Variants in DNAAF9 observed in about 807,000 individuals in gnomAD.
DNAAF9 encodes the protein dynein axonemal assembly factor 9, also known as shulin.
A neutral mutation model predicts 167.0 loss-of-function variants in DNAAF9; 90 were observed. The observed-to-expected ratio is 0.54, with a 90% CI of 0.45 to 0.64. The LOEUF is 0.64. Among genes scored for constraint, DNAAF9 ranks in the 30% least tolerant of loss-of-function variants. The probability of loss-of-function intolerance (pLI) is 0.00; values close to 1 mark genes in which losing one functional copy is unlikely to be tolerated. For synonymous variants in DNAAF9, 491 were observed against 508.8 expected (o/e 0.96, Z 0.47); for missense variants, 1,315 against 1,442.2 (o/e 0.91, Z 1.43).
chr20:3,329,147 GGT>G (rs1258910813), intron 12 of DNAAF9, among the ~76,000 whole-genome samples: 1 of 151,988 alleles, frequency 6.6e-6, no homozygotes, highest in African/African-American at 2.4e-5. Context: ...TGGGATTACA[GGT>G]GTGAGCCACT....
chr20:3,265,071 A>C (rs1347964608), intron 30 of DNAAF9, among the ~76,000 whole-genome samples: 1 of 152,156 alleles, frequency 6.6e-6, no homozygotes, highest in Non-Finnish European at 1.5e-5. Flanking sequence ...CAAGGAATTT[A>C]CTGGCTCCCA....
At chr20:3,297,958 T>C (rs1183854872) in intron 22 of DNAAF9, 71 bp downstream of exon 22, 8 of 1,212,156 alleles carry the variant, frequency 6.6e-6, no homozygotes, top group Non-Finnish European at 3.6e-6. Flanking sequence ...CCCAAAATGA[T>C]GCCTTACCAT....
At chr20:3,374,219 C>T (rs2083546720) in intron 5 of DNAAF9, 65 bp from the exon 6 acceptor site, 5 of 1,111,602 alleles carry the variant, frequency 4.5e-6, no homozygotes, top group South Asian at 1.4e-5. Context: ...CTAAACCTGA[C>T]CTAACATGGT....
rs375454050 is a variant in DNAAF9, at chr20:3,314,349, G to A, written c.1678+684C>T. On this transcript the variant is annotated intron_variant, in intron 20 of 36. Transcript: ENST00000252032. The stretch of plus-strand genomic sequence containing the variant: ...GCAAAAACTTGACATGCTGATAGCC[G>A]AAGAGGAATTAGAGAGACTCAAAGT... Among the ~76,000 whole-genome samples, 411 of 152,280 alleles carry A rather than the reference G, an allele frequency of 2.7e-3. 1 individual carries two copies. Among genetic ancestry groups the A allele is most frequent in the African/African-American group, 9.3e-3 (385 of 41,548 alleles).
chr20:3,364,413 G>C (rs1167754634), intron 6 of DNAAF9, among the ~76,000 whole-genome samples: 1 of 151,944 alleles, frequency 6.6e-6, no homozygotes, highest in Non-Finnish European at 1.5e-5. Flanking sequence ...GATCCTTTGG[G>C]GTCCTGCTTT....
intron 17 of DNAAF9, among the ~76,000 whole-genome samples, chr20:3,317,042 G>A (rs569564395): frequency 1.3e-5 from 2 of 151,594 alleles, no homozygotes; most frequent in South Asian, 2.1e-4. Flanking sequence ...TTACAGATGC[G>A]TGCCACCATG....
At chr20:3,330,344 G>A (rs995551657) in intron 12 of DNAAF9, among the ~76,000 whole-genome samples, 1 of 152,088 alleles carries the variant, frequency 6.6e-6, no homozygotes, top group South Asian at 2.1e-4. Context: ...CCAGGCTTAA[G>A]TGATCCTCCC....
chr20:3,264,348 T>G, intron 31 of DNAAF9, 90 bp downstream of exon 31: 1 of 725,866 alleles, frequency 1.4e-6, no homozygotes, highest in Non-Finnish European at 2.4e-6. Flanking sequence ...CATCTGGTAT[T>G]TTCACCTTCT....
chr20:3,364,946 T>TC (rs1491420738), intron 6 of DNAAF9, among the ~76,000 whole-genome samples: 1 of 127,188 alleles, frequency 7.9e-6, no homozygotes, highest in African/African-American at 2.7e-5. Flanking sequence ...TTTCCTTTTT[T>TC]CTTTTTTTTT....
chr20:3,259,864 A>T, intron 32 of DNAAF9, 58 bp downstream of exon 32: 1 of 993,042 alleles, frequency 1.0e-6, no homozygotes. Flanking sequence ...ACCAGGAGGC[A>T]GAATTAACTC....
Position 3,253,739 on chromosome 20 carries a change from A to T in DNAAF9, c.3408T>A (p.Thr1136=), listed in dbSNP as rs987191935. 6.2e-7 allele frequency: 1 copy of T among 1,605,724 alleles called. No individual in the cohort carries two copies. The highest frequency in any genetic ancestry group is 2.2e-5 in the East Asian group (1 of 44,844). Residue 1136 remains threonine (T), a synonymous_variant, in exon 36 of 37, where the codon ACT becomes ACA. Coordinates refer to ENST00000252032, the MANE Select transcript of DNAAF9 (RefSeq NM_001009984.3). ...TTCCAAGGATACGTGGGTGAAAATC[A>T]GTTTTGTCACCAAAGAAGTTAACAA... is the stretch of plus-strand genomic sequence containing the variant. ...TQFVNFFGDK[T]DFHPLMDQFM...
At chr20:3,299,926 C>T (rs1430188145) in intron 21 of DNAAF9, among the ~76,000 whole-genome samples, 1 of 152,164 alleles carries the variant, frequency 6.6e-6, no homozygotes. Context: ...TTTTGAGACA[C>T]AGTTTTCACT....
In DNAAF9 at chr20:3,390,371, CTTTTTTT is replaced by C. The variant is rs34917762; in HGVS notation, c.84-7872_84-7866del. ...AAATATTCATTGTACTATTCTCTCA[CTTTTTTT>C]TTTTTTTTTTGAAGTCTCATTCTGT... On this transcript the variant is annotated intron_variant, in intron 1 of 36. Transcript: ENST00000252032. Among the ~76,000 whole-genome samples the C allele has an allele frequency of 1.6e-4, 23 of 141,158 alleles. No homozygotes were observed. The East Asian group carries it at 4.5e-3, about 28-fold the overall frequency. The allele number at this position is 141,158 out of a possible 152,430, so 92.6% of individuals were successfully genotyped here. A position where few individuals can be genotyped will look rare whatever the true frequency, so the allele number is the denominator to read the frequency against.
chr20:3,340,349 C>A (rs568811789), intron 10 of DNAAF9, among the ~76,000 whole-genome samples, 155 bp downstream of exon 10: 2 of 152,170 alleles, frequency 1.3e-5, no homozygotes, highest in Non-Finnish European at 2.9e-5. Flanking sequence ...CAAACAGTTT[C>A]TAATCACTTC....
At chr20:3,257,755 A>C (rs1029566503) in intron 33 of DNAAF9, among the ~76,000 whole-genome samples, 2 of 151,664 alleles carry the variant, frequency 1.3e-5, no homozygotes, top group Admixed American at 1.3e-4. Context: ...CCCAAGCTGG[A>C]GTGCAGTGGT....
chr20:3,266,539 G>A (rs927634812), intron 30 of DNAAF9, among the ~76,000 whole-genome samples: 44 of 152,030 alleles, frequency 2.9e-4, no homozygotes, highest in Non-Finnish European at 5.3e-4. Flanking sequence ...GTGCAGTGGC[G>A]CGGTCTCGGC....
At chr20:3,384,507 C>T (rs1488975953) in intron 1 of DNAAF9, 2 of 149,732 alleles carry the variant, frequency 1.3e-5, no homozygotes, top group South Asian at 2.1e-4. Context: ...AACCAAAATC[C>T]ATCATGAATA....
chr20:3,353,717 T>A (rs1264532799), intron 7 of DNAAF9, among the ~76,000 whole-genome samples: 1 of 142,898 alleles, frequency 7.0e-6, no homozygotes, highest in African/African-American at 2.6e-5. Context: ...TCAGGAGGTA[T>A]ATTTCCACTT....
At chr20:3,406,286 G>A (rs1441272597) in intron 1 of DNAAF9, among the ~76,000 whole-genome samples, 1 of 152,168 alleles carries the variant, frequency 6.6e-6, no homozygotes, top group African/African-American at 2.4e-5. Flanking sequence ...TAAAACATAT[G>A]CCTTAAGTAC....
Sources: allele counts gnomAD v4.1 joint callset (sites outside exome capture counted in the v4.1 genomes callset), GRCh38; gene constraint gnomAD v4.1.1; transcripts MANE v1.5; gene names NCBI Gene and HGNC (gene_info 2026-07-23, HGNC 2026-07-21).